The following CLSTN2 variants were observed in gnomAD, a reference collection of about 807,000 sequenced individuals.
CLSTN2 encodes calsyntenin-2.
In CLSTN2, 48 loss-of-function variants were observed where a neutral mutation model predicts 101.2. That is an observed-to-expected ratio of 0.47 (90% CI 0.38 to 0.60). The LOEUF (loss-of-function observed/expected upper bound fraction) is 0.60. Among genes scored for constraint, CLSTN2 ranks in the 20% least tolerant of loss-of-function variants. CLSTN2 has a pLI of 0.00. For missense variants in CLSTN2, 1,160 were observed against 1,238.2 expected (o/e 0.94, Z 0.95); for synonymous variants, 481 against 463.6 (o/e 1.04, Z -0.48).
intron 1 of CLSTN2, among the ~76,000 whole-genome samples, chr3:140,088,552 C>T (rs946781277): frequency 6.6e-6 from 1 of 152,164 alleles, no homozygotes; most frequent in Non-Finnish European, 1.5e-5. Context: ...TTTGAGCTGC[C>T]CTTCACAGGG....
intron 1 of CLSTN2, among the ~76,000 whole-genome samples, chr3:139,987,755 C>T (rs1357199642): frequency 6.6e-6 from 1 of 152,074 alleles, no homozygotes; most frequent in Non-Finnish European, 1.5e-5. Context: ...TGCTGAGGTA[C>T]CAGGCAAACA....
At chr3:140,208,067 T>G (rs1008486368) in intron 2 of CLSTN2, among the ~76,000 whole-genome samples, 1 of 152,326 alleles carries the variant, frequency 6.6e-6, no homozygotes, top group South Asian at 2.1e-4. Context: ...TTTTGTGCTT[T>G]TAAATTTTGA....
intron 12 of CLSTN2, among the ~76,000 whole-genome samples, chr3:140,559,560 A>AGGGGGG (rs1299690699): frequency 7.4e-6 from 1 of 135,574 alleles, no homozygotes; most frequent in Non-Finnish European, 1.6e-5. Flanking sequence ...GGCGGGGGTC[A>AGGGGGG]GGGGGGCGGG....
intron 1 of CLSTN2, among the ~76,000 whole-genome samples, chr3:140,153,255 A>G (rs753624795): frequency 4.6e-5 from 7 of 152,240 alleles, no homozygotes; most frequent in Non-Finnish European, 1.0e-4. Flanking sequence ...GAACAAGTAC[A>G]CCCGTTGGCA....
At chr3:140,062,015 C>T (rs2008215046) in intron 1 of CLSTN2, among the ~76,000 whole-genome samples, 2 of 152,082 alleles carry the variant, frequency 1.3e-5, no homozygotes, top group South Asian at 2.1e-4. Context: ...AGTGGCTAAC[C>T]AATTATTATT....
intron 1 of CLSTN2, among the ~76,000 whole-genome samples, chr3:139,958,662 G>C (rs772798574): frequency 6.6e-6 from 1 of 151,720 alleles, no homozygotes; most frequent in Non-Finnish European, 1.5e-5. Flanking sequence ...TAAGTGGTCG[G>C]TGTGTGATTC....
In CLSTN2 at chr3:139,951,871, G is replaced by A. The variant is rs1935301485; in HGVS notation, c.109+16388G>A. ...AATACTGATATTTCAGAGATAAAAT[G>A]CTATTCTCTTGGATAAAAATTATTC... is the stretch of plus-strand genomic sequence containing the variant. On this transcript the variant is annotated intron_variant, in intron 1 of 16. Coordinates refer to ENST00000458420, the MANE Select transcript of CLSTN2 (RefSeq NM_022131.3). Among the ~76,000 whole-genome samples, 3 of 152,238 alleles carry A rather than the reference G, an allele frequency of 2.0e-5. No individual in the cohort carries two copies. In the South Asian group the frequency reaches 6.2e-4, roughly 32 times the overall value.
At chr3:140,059,247 CATG>C (rs1412425647) in intron 1 of CLSTN2, among the ~76,000 whole-genome samples, 1 of 152,230 alleles carries the variant, frequency 6.6e-6, no homozygotes, top group African/African-American at 2.4e-5. Context: ...TGGAACCACC[CATG>C]ATAAGTGTCC....
chr3:140,261,626 A>G lies in CLSTN2; in HGVS notation c.232+85553A>G, dbSNP rs76604700. On this transcript the variant is annotated intron_variant, in intron 2 of 16. Coordinates refer to ENST00000458420, the MANE Select transcript of CLSTN2 (RefSeq NM_022131.3). ...CTGCTACTAGGGAATCATTGCTTCT[A>G]TTTTCTCTCAATTGACAAGGTGAGA... Among the ~76,000 whole-genome samples the G allele has an allele frequency of 2.0e-5, 3 of 152,158 alleles. No homozygotes were observed. In the East Asian group the frequency reaches 5.8e-4, roughly 29 times the overall value.
intron 1 of CLSTN2, among the ~76,000 whole-genome samples, chr3:140,066,129 AC>A (rs1301853448): frequency 2.0e-5 from 3 of 152,158 alleles, no homozygotes; most frequent in African/African-American, 7.2e-5. Flanking sequence ...TGATTCTAAG[AC>A]CTTTGATATT....
intron 1 of CLSTN2, among the ~76,000 whole-genome samples, chr3:140,156,227 A>T (rs530655328): frequency 6.6e-6 from 1 of 152,234 alleles, no homozygotes; most frequent in African/African-American, 2.4e-5. Context: ...GGTCAGTGGG[A>T]TTGATTACCC....
chr3:139,998,117 T>G (rs2006722339), intron 1 of CLSTN2, among the ~76,000 whole-genome samples: 1 of 152,110 alleles, frequency 6.6e-6, no homozygotes, highest in South Asian at 2.1e-4. Context: ...GAGAAAGTCA[T>G]GTTTGTACAG....
intron 2 of CLSTN2, among the ~76,000 whole-genome samples, chr3:140,189,140 A>G (rs1053633464): frequency 1.3e-5 from 2 of 152,138 alleles, no homozygotes; most frequent in African/African-American, 4.8e-5. Context: ...AGTCCATGGT[A>G]TGGATATACC....
intron 2 of CLSTN2, among the ~76,000 whole-genome samples, chr3:140,231,155 C>A (rs898713416): frequency 6.6e-6 from 1 of 152,120 alleles, no homozygotes; most frequent in Non-Finnish European, 1.5e-5. Flanking sequence ...GTAGAAGGAA[C>A]CACTATTAAG....
intron 8 of CLSTN2, among the ~76,000 whole-genome samples, chr3:140,514,713 C>G (rs941377373): frequency 6.6e-6 from 1 of 152,120 alleles, no homozygotes; most frequent in African/African-American, 2.4e-5. Flanking sequence ...ACACTGTTTT[C>G]CATAGTGGTT....
At chr3:140,486,231 G>C (rs572059446) in intron 8 of CLSTN2, among the ~76,000 whole-genome samples, 170 of 152,180 alleles carry the variant, frequency 1.1e-3, no homozygotes, top group African/African-American at 3.9e-3. Context: ...AGTCCTTCAA[G>C]TAGAAAGGAA....
chr3:140,300,121 T>C (rs1415391072), intron 2 of CLSTN2, among the ~76,000 whole-genome samples: 1 of 152,224 alleles, frequency 6.6e-6, no homozygotes, highest in African/African-American at 2.4e-5. Context: ...TCCACCTGTA[T>C]AGGATTTGCT....
intron 2 of CLSTN2, among the ~76,000 whole-genome samples, chr3:140,322,287 C>T (rs1261132997): frequency 2.6e-5 from 4 of 152,224 alleles, no homozygotes; most frequent in Non-Finnish European, 5.9e-5. Context: ...GAGTTATTTT[C>T]TTGTGCATCA....
At chr3:140,007,171 G>A (rs2006975118) in intron 1 of CLSTN2, among the ~76,000 whole-genome samples, 1 of 151,984 alleles carries the variant, frequency 6.6e-6, no homozygotes, top group African/African-American at 2.4e-5. Flanking sequence ...GAATGGGGTG[G>A]GAGACTGTCC....
Sources: allele counts gnomAD v4.1 joint callset (sites outside exome capture counted in the v4.1 genomes callset), GRCh38; gene constraint gnomAD v4.1.1; transcripts MANE v1.5; gene names NCBI Gene and HGNC (gene_info 2026-07-23, HGNC 2026-07-21).